Variants in EPHA6 observed in about 807,000 individuals in gnomAD.
EPHA6 encodes EPH receptor A6.
EPHA6 carries 50 observed loss-of-function variants against 112.0 expected under a neutral mutation model. The ratio of observed to expected loss-of-function variants is 0.45; its 90% CI spans 0.36 to 0.56. The LOEUF is 0.56. Among genes scored for constraint, EPHA6 ranks in the 20% least tolerant of loss-of-function variants. EPHA6 has a pLI of 0.00. For synonymous variants in EPHA6, 529 were observed against 490.7 expected (o/e 1.08, Z -1.03); for missense variants, 1,280 against 1,417.4 (o/e 0.90, Z 1.56).
chr3:97,680,116 T>C (rs1313536601), intron 14 of EPHA6, among the ~76,000 whole-genome samples: 1 of 152,232 alleles, frequency 6.6e-6, no homozygotes, highest in Non-Finnish European at 1.5e-5. Context: ...CAATTTTGAC[T>C]TTGATTTCCC....
chr3:97,648,104 G>C (rs904498154), intron 14 of EPHA6, among the ~76,000 whole-genome samples: 1 of 152,072 alleles, frequency 6.6e-6, no homozygotes, highest in African/African-American at 2.4e-5. Flanking sequence ...ATGAGTCCTT[G>C]ATTTTAACTT....
intron 11 of EPHA6, among the ~76,000 whole-genome samples, chr3:97,533,560 G>A (rs1412386335): frequency 6.6e-6 from 1 of 152,002 alleles, no homozygotes; most frequent in Non-Finnish European, 1.5e-5. Flanking sequence ...GCCTTAATGG[G>A]GCATTTCAGT....
At chr3:97,636,062 C>T (rs574140215) in intron 13 of EPHA6, among the ~76,000 whole-genome samples, 16 of 152,110 alleles carry the variant, frequency 1.1e-4, no homozygotes, top group African/African-American at 3.6e-4. Context: ...GTGCTGTCTG[C>T]TTTATATGTG....
At chr3:97,512,113 A>G (rs564852234) in intron 10 of EPHA6, among the ~76,000 whole-genome samples, 1 of 152,202 alleles carries the variant, frequency 6.6e-6, no homozygotes, top group Non-Finnish European at 1.5e-5. Flanking sequence ...TAAGGTTTAC[A>G]TTAGTGACAA....
chr3:97,721,987 C>T (rs2034551645), intron 15 of EPHA6, among the ~76,000 whole-genome samples: 1 of 152,162 alleles, frequency 6.6e-6, no homozygotes, highest in South Asian at 2.1e-4. Context: ...TAATGCTTGC[C>T]TGCTTGTCCT....
At chr3:96,986,722 C>T (rs1186463795) in intron 2 of EPHA6, among the ~76,000 whole-genome samples, 1 of 152,116 alleles carries the variant, frequency 6.6e-6, no homozygotes, top group South Asian at 2.1e-4. Context: ...TTTTGTTCAG[C>T]TTGTTAACTG....
At chr3:97,450,975 G>A (rs1370599374) in intron 7 of EPHA6, among the ~76,000 whole-genome samples, 2 of 151,968 alleles carry the variant, frequency 1.3e-5, no homozygotes, top group Non-Finnish European at 2.9e-5. Flanking sequence ...GTGAGAGGCT[G>A]GGGTTCTTTC....
chr3:97,295,059 C>CT (rs925092614), intron 5 of EPHA6, among the ~76,000 whole-genome samples: 6 of 151,990 alleles, frequency 3.9e-5, no homozygotes, highest in African/African-American at 1.4e-4. Flanking sequence ...ATGTAGAAGA[C>CT]TTTTTTGGGT....
intron 3 of EPHA6, among the ~76,000 whole-genome samples, chr3:97,151,844 A>G (rs2076178512): frequency 6.6e-6 from 1 of 151,986 alleles, no homozygotes; most frequent in Non-Finnish European, 1.5e-5. Context: ...TGGTAATAAT[A>G]TATGATTATA....
intron 3 of EPHA6, among the ~76,000 whole-genome samples, chr3:97,106,868 G>A (rs2047585733): frequency 6.6e-6 from 1 of 152,052 alleles, no homozygotes; most frequent in African/African-American, 2.4e-5. Context: ...CTTGCAAGGA[G>A]GATAAGGAAA....
chr3:97,481,083 G>A (rs2091528547), intron 9 of EPHA6: 2 of 485,852 alleles, frequency 4.1e-6, no homozygotes, highest in Middle Eastern at 6.5e-4. Context: ...TGGCAGCGGG[G>A]CAGAGGCTGC....
intron 10 of EPHA6, among the ~76,000 whole-genome samples, chr3:97,500,492 A>C (rs1372962523): frequency 2.0e-5 from 3 of 152,014 alleles, no homozygotes; most frequent in African/African-American, 4.8e-5. Flanking sequence ...AAACGACCAG[A>C]TCTCGCTATT....
At chr3:97,549,903 A>G (rs1379033733) in intron 11 of EPHA6, among the ~76,000 whole-genome samples, 1 of 152,222 alleles carries the variant, frequency 6.6e-6, no homozygotes, top group Non-Finnish European at 1.5e-5. Context: ...CTGGGGGCTT[A>G]AAAATTCAAT....
chr3:97,752,382 C>T lies in EPHA6; in HGVS notation c.*3681C>T. On this transcript the variant is annotated 3_prime_UTR_variant, in exon 18 of 18. Transcript: ENST00000389672. ...CCAAATTTCTGCTCTACAAGGCAGT[C>T]AGTTAAATCTCTCATTTCATAATTT... The T allele has an allele frequency of 1.3e-5, 3 of 224,560 alleles. No homozygotes were observed. The highest frequency in any genetic ancestry group is 1.8e-5 in the Non-Finnish European group (2 of 112,548). The allele number at this position is 224,560 out of a possible 1,614,324, so 13.9% of individuals were successfully genotyped here.
intron 4 of EPHA6, among the ~76,000 whole-genome samples, 188 bp downstream of exon 4, chr3:97,226,607 G>T (rs1260144872): frequency 6.6e-6 from 1 of 152,128 alleles, no homozygotes; most frequent in African/African-American, 2.4e-5. Context: ...GTAAAGAATG[G>T]GTTTACTCCT....
intron 4 of EPHA6, among the ~76,000 whole-genome samples, chr3:97,239,125 G>GGATTT (rs1479307136): frequency 2.6e-5 from 4 of 151,842 alleles, no homozygotes; most frequent in Admixed American, 2.6e-4. Context: ...TTTGCCATAT[G>GGATTT]GAATGCAAAA....
At chr3:97,119,127 A>G (rs2047973744) in intron 3 of EPHA6, among the ~76,000 whole-genome samples, 1 of 152,080 alleles carries the variant, frequency 6.6e-6, no homozygotes, top group Non-Finnish European at 1.5e-5. Context: ...CAGGCTCCCA[A>G]ATTTGTCTTT....
At chr3:97,220,693 G>A (rs912421424) in intron 3 of EPHA6, among the ~76,000 whole-genome samples, 7 of 152,116 alleles carry the variant, frequency 4.6e-5, no homozygotes, top group South Asian at 2.1e-4. Flanking sequence ...TTATATCCAC[G>A]TGGTCTCTCC....
chr3:97,096,230 A>AATAT (rs760876919), intron 3 of EPHA6, among the ~76,000 whole-genome samples: 1 of 146,026 alleles, frequency 6.8e-6, no homozygotes, highest in African/African-American at 2.5e-5. Flanking sequence ...AACCTAAGGA[A>AATAT]ATATATATAT....
Sources: gnomAD v4.1 joint callset for allele counts (sites outside exome capture counted in the v4.1 genomes callset) on GRCh38, gnomAD v4.1.1 for gene constraint, MANE v1.5 for transcripts, NCBI Gene and HGNC (gene_info 2026-07-23, HGNC 2026-07-21) for gene names.